The following APP variants were observed in gnomAD, a reference collection of about 807,000 sequenced individuals.
APP encodes amyloid-beta precursor protein.
APP carries 31 observed loss-of-function variants against 101.4 expected under a neutral mutation model. That is an observed-to-expected ratio of 0.31 (90% confidence interval 0.23 to 0.41). APP has a LOEUF of 0.41. Among genes scored for constraint, APP ranks in the 10% least tolerant of loss-of-function variants. The pLI, the probability that APP is intolerant of heterozygous loss-of-function variation, is 1.00. For missense variants in APP, 839 were observed against 1,003.7 expected (o/e 0.84, Z 2.22); for synonymous variants, 366 against 364.4 (o/e 1.00, Z -0.05).
intron 13 of APP, among the ~76,000 whole-genome samples, chr21:25,913,038 A>G (rs929230934): frequency 3.9e-5 from 6 of 152,256 alleles, no homozygotes; most frequent in Non-Finnish European, 7.3e-5. Context: ...TTGCTGTAGT[A>G]TATATTTCAG....
At chr21:25,891,091 T>C (rs45490395) in intron 17 of APP, among the ~76,000 whole-genome samples, 59,238 of 152,074 alleles carry the variant, frequency 0.39, 11,782 homozygotes, top group South Asian at 0.45. Flanking sequence ...TCTTTCTCTC[T>C]TTCTTGTTTT....
intron 3 of APP, among the ~76,000 whole-genome samples, chr21:26,063,264 A>G (rs1356659041): frequency 6.6e-6 from 1 of 152,250 alleles, no homozygotes; most frequent in Non-Finnish European, 1.5e-5. Context: ...TAATATAAAT[A>G]CAACTAGTTA....
intron 8 of APP, 35 bp downstream of exon 8, chr21:25,997,325 C>G: frequency 6.3e-7 from 1 of 1,598,004 alleles, no homozygotes; most frequent in Non-Finnish European, 8.6e-7. Flanking sequence ...CATCCTCCTC[C>G]CCTCTTCCCT....
At chr21:26,128,918 C>G (rs2062736539) in intron 1 of APP, among the ~76,000 whole-genome samples, 1 of 152,030 alleles carries the variant, frequency 6.6e-6, no homozygotes, top group African/African-American at 2.4e-5. Flanking sequence ...ACAAAATAAA[C>G]AAAACCAAAA....
intron 5 of APP, among the ~76,000 whole-genome samples, chr21:26,040,761 A>AAAACAAACAAACAAAC (rs74534911): frequency 1.3e-5 from 2 of 149,920 alleles, no homozygotes; most frequent in East Asian, 2.0e-4. Flanking sequence ...ACTCTATCTC[A>AAAACAAACAAACAAAC]AAACAAACAA....
intron 1 of APP, among the ~76,000 whole-genome samples, chr21:26,138,292 C>T (rs554664885): frequency 5.5e-4 from 84 of 151,988 alleles, no homozygotes; most frequent in Non-Finnish European, 9.7e-4. Context: ...TGAAATTTAA[C>T]ATAATAAGTT....
At chr21:25,979,350 C>T (rs2146589025) in intron 9 of APP, among the ~76,000 whole-genome samples, 1 of 152,328 alleles carries the variant, frequency 6.6e-6, no homozygotes, top group African/African-American at 2.4e-5. Context: ...CAATTTTCCA[C>T]TGCAGGCACA....
chr21:25,948,983 A>G (rs2040949498), intron 13 of APP, among the ~76,000 whole-genome samples: 1 of 152,250 alleles, frequency 6.6e-6, no homozygotes, highest in African/African-American at 2.4e-5. Flanking sequence ...ATGAAAAAAT[A>G]TTAATGAAGA....
intron 1 of APP, among the ~76,000 whole-genome samples, chr21:26,139,536 T>G (rs1036503984): frequency 1.3e-5 from 2 of 152,330 alleles, no homozygotes; most frequent in Admixed American, 1.3e-4. Flanking sequence ...GGCTAATTCT[T>G]GCAAATCATC....
intron 5 of APP, among the ~76,000 whole-genome samples, chr21:26,038,732 C>G (rs1475315299): frequency 6.6e-6 from 1 of 152,120 alleles, no homozygotes; most frequent in Non-Finnish European, 1.5e-5. Flanking sequence ...CCACTGCACT[C>G]CAGTCTGGGC....
At chr21:26,142,640 A>T (rs1203607438) in intron 1 of APP, among the ~76,000 whole-genome samples, 1 of 152,112 alleles carries the variant, frequency 6.6e-6, no homozygotes, top group Non-Finnish European at 1.5e-5. Context: ...CTGGTGGTGC[A>T]AACCTGTAGT....
At chr21:25,883,555 CAGT>C (rs1299248813) in intron 17 of APP, among the ~76,000 whole-genome samples, 1 of 152,062 alleles carries the variant, frequency 6.6e-6, no homozygotes, top group East Asian at 1.9e-4. Context: ...TAGCCAGGCA[CAGT>C]AGCACGTGCC....
At chr21:25,959,067 CA>C (rs2041461726) in intron 11 of APP, among the ~76,000 whole-genome samples, 2 of 152,160 alleles carry the variant, frequency 1.3e-5, no homozygotes, top group Admixed American at 1.3e-4. Context: ...TTCTCCTAAT[CA>C]CTTTGTGATC....
At chr21:26,050,456 T>C (rs1448406547) in intron 5 of APP, among the ~76,000 whole-genome samples, 1 of 151,816 alleles carries the variant, frequency 6.6e-6, no homozygotes, top group African/African-American at 2.4e-5. Flanking sequence ...GAGGCGAAAA[T>C]AGGTTTCTTT....
chr21:25,930,973 GAA>G (rs773875610), intron 13 of APP, among the ~76,000 whole-genome samples: 2 of 152,194 alleles, frequency 1.3e-5, no homozygotes, highest in African/African-American at 2.4e-5. Flanking sequence ...GAGAGAAGCT[GAA>G]AAGAGTCACT....
chr21:26,108,814 G>A (rs2146195353), intron 2 of APP, among the ~76,000 whole-genome samples: 1 of 152,182 alleles, frequency 6.6e-6, no homozygotes, highest in African/African-American at 2.4e-5. Flanking sequence ...AACCCAGGAG[G>A]CAGAGGTTGC....
intron 8 of APP, 92 bp from the exon 9 acceptor site, chr21:25,982,569 T>C: frequency 2.3e-6 from 3 of 1,303,612 alleles, no homozygotes; most frequent in East Asian, 2.4e-5. Context: ...TTTTCAGTTA[T>C]TTCTCAGAAC....
At position 26,170,664 on chromosome 21, in the gene APP, G is replaced by A. The variant is rs200289921; in HGVS notation, c.-44C>T. Reference sequence around the variant, plus strand: ...ACCGAGTGCGCTGCTGTGCGAGTGGGATCCGCCGCGTCCTTGCTCTGCCCG... The same window carrying A: ...ACCGAGTGCGCTGCTGTGCGAGTGGAATCCGCCGCGTCCTTGCTCTGCCCG... On this transcript the variant is annotated 5_prime_UTR_variant, in exon 1 of 18. Coordinates refer to ENST00000346798, the MANE Select transcript of APP (RefSeq NM_000484.4). The A allele has an allele frequency of 2.7e-4, 402 of 1,515,146 alleles. No homozygotes were observed. In the African/African-American group the frequency reaches 3.1e-3, roughly 12 times the overall value. 93.9% of individuals were successfully genotyped at this position (1,515,146 alleles called of 1,614,324 possible).
chr21:25,903,061 A>T (rs554548082), intron 15 of APP, among the ~76,000 whole-genome samples: 12 of 139,570 alleles, frequency 8.6e-5, no homozygotes, highest in East Asian at 6.3e-4. Flanking sequence ...GATTTAGATT[A>T]AAAAAAATTT....
Sources: allele counts gnomAD v4.1 joint callset (sites outside exome capture counted in the v4.1 genomes callset), GRCh38; gene constraint gnomAD v4.1.1; transcripts MANE v1.5; gene names NCBI Gene and HGNC (gene_info 2026-07-23, HGNC 2026-07-21).